ELAPOR2: variants seen among roughly 807,000 people sequenced by gnomAD.
The protein encoded by ELAPOR2 is endosome-lysosome associated apoptosis and autophagy regulator family member 2.
Under a neutral mutation model 120.7 loss-of-function variants are expected in ELAPOR2, and 89 were observed. That is an observed-to-expected ratio of 0.74 (90% CI 0.62 to 0.88). ELAPOR2 has a LOEUF of 0.88. Ranked by LOEUF, ELAPOR2 falls within the 40% of genes least tolerant of loss-of-function variation. The pLI is 0.00. For missense variants in ELAPOR2, 1,134 were observed against 1,251.6 expected, an observed-to-expected ratio of 0.91 and a Z score of 1.42; for synonymous variants, 444 against 444.9, an observed-to-expected ratio of 1.00 and a Z score of 0.03.
chr7:87,053,745 T>C (rs1415353916), intron 1 of ELAPOR2, among the ~76,000 whole-genome samples: 3 of 152,184 alleles, frequency 2.0e-5, no homozygotes, highest in Non-Finnish European at 4.4e-5. Context: ...GGATAGGATA[T>C]AGGGATGGAT....
intron 18 of ELAPOR2, among the ~76,000 whole-genome samples, chr7:86,901,517 A>G (rs1182079514): frequency 6.6e-6 from 1 of 152,238 alleles, no homozygotes; most frequent in Admixed American, 6.5e-5. Flanking sequence ...CCTATTATTA[A>G]CTTTTTGCAC....
intron 1 of ELAPOR2, among the ~76,000 whole-genome samples, chr7:87,032,712 T>C (rs1051396066): frequency 2.0e-5 from 3 of 152,168 alleles, no homozygotes; most frequent in Non-Finnish European, 1.5e-5. Flanking sequence ...TAAAACATTC[T>C]CCTAATCGAG....
At chr7:86,910,998 G>A (rs1402156860) in intron 15 of ELAPOR2, among the ~76,000 whole-genome samples, 1 of 151,714 alleles carries the variant, frequency 6.6e-6, no homozygotes, top group Non-Finnish European at 1.5e-5. Flanking sequence ...AAAGGTACTG[G>A]GGAAAGAAAA....
At chr7:86,907,598 T>C in intron 18 of ELAPOR2, 72 bp downstream of exon 18, 1 of 967,556 alleles carries the variant, frequency 1.0e-6, no homozygotes, top group Non-Finnish European at 1.5e-6. Context: ...AGAGAATATG[T>C]TTTAAAATAG....
chr7:86,889,941 T>G (rs1456302088), intron 21 of ELAPOR2, among the ~76,000 whole-genome samples: 1 of 151,842 alleles, frequency 6.6e-6, no homozygotes, highest in African/African-American at 2.4e-5. Flanking sequence ...GAGGGTAGGG[T>G]TGAGGTTAAC....
At chr7:87,029,149 C>T (rs2116726696) in intron 1 of ELAPOR2, among the ~76,000 whole-genome samples, 1 of 152,240 alleles carries the variant, frequency 6.6e-6, no homozygotes, top group East Asian at 1.9e-4. Context: ...TCTCTTTTTA[C>T]CATTTCATAA....
At chr7:87,001,744 C>T (rs1480361040) in intron 1 of ELAPOR2, among the ~76,000 whole-genome samples, 1 of 152,082 alleles carries the variant, frequency 6.6e-6, no homozygotes, top group East Asian at 1.9e-4. Flanking sequence ...TCAAGTTCAC[C>T]CAGATGCCTC....
chr7:86,999,508 C>A (rs1793240294), intron 1 of ELAPOR2, among the ~76,000 whole-genome samples: 2 of 152,032 alleles, frequency 1.3e-5, no homozygotes, highest in Non-Finnish European at 2.9e-5. Context: ...ACATAAAATG[C>A]AGAGTAAAGA....
In ELAPOR2 at chr7:87,039,911, G is replaced by A. The variant is rs570386404; in HGVS notation, c.189+19414C>T. 4.3e-3 allele frequency among the ~76,000 whole-genome samples: 654 copies of A among 152,032 alleles called. 8 individuals are homozygous for A. The highest frequency in any genetic ancestry group is 0.015 in the African/African-American group (621 of 41,458). ...ACAGAGGGCGCAGGTCAGTGGGTGCGCGCACCGTGCACGAGCCAAAGCAGG... is the reference window on the plus strand; with the variant it reads ...ACAGAGGGCGCAGGTCAGTGGGTGCACGCACCGTGCACGAGCCAAAGCAGG... On this transcript the variant is annotated intron_variant, in intron 1 of 21. Coordinates refer to ENST00000450689, the MANE Select transcript of ELAPOR2 (RefSeq NM_001142749.3).
At chr7:87,034,332 CT>C (rs1794514287) in intron 1 of ELAPOR2, among the ~76,000 whole-genome samples, 1 of 151,802 alleles carries the variant, frequency 6.6e-6, no homozygotes, top group Non-Finnish European at 1.5e-5. Flanking sequence ...AAAATTTTAC[CT>C]GGCTATTGTT....
intron 1 of ELAPOR2, among the ~76,000 whole-genome samples, chr7:87,002,192 A>G (rs1793339108): frequency 6.6e-6 from 1 of 152,180 alleles, no homozygotes; most frequent in Non-Finnish European, 1.5e-5. Context: ...ATTATAGCCC[A>G]GTCCAGTTTA....
intron 1 of ELAPOR2, among the ~76,000 whole-genome samples, chr7:87,043,732 T>A (rs1238615266): frequency 6.6e-6 from 1 of 151,266 alleles, no homozygotes; most frequent in African/African-American, 2.4e-5. Context: ...CCACTCCTAT[T>A]CAACATAGTG....
intron 1 of ELAPOR2, among the ~76,000 whole-genome samples, chr7:86,982,568 C>G (rs1792545216): frequency 6.6e-6 from 1 of 152,234 alleles, no homozygotes; most frequent in African/African-American, 2.4e-5. Context: ...ATACAGCAAA[C>G]TCCAACAGAC....
At chr7:86,981,955 C>G (rs1792511170) in intron 1 of ELAPOR2, among the ~76,000 whole-genome samples, 2 of 152,216 alleles carry the variant, frequency 1.3e-5, no homozygotes, top group African/African-American at 2.4e-5. Context: ...CACTCCTGCC[C>G]ACATACTGCG....
intron 1 of ELAPOR2, among the ~76,000 whole-genome samples, chr7:87,017,657 G>A (rs929359293): frequency 2.0e-4 from 30 of 152,128 alleles, no homozygotes; most frequent in Middle Eastern, 6.8e-3. Context: ...GTGGTGGCTC[G>A]TGCCTGTAAT....
Position 86,938,913 on chromosome 7 carries a change from T to C in ELAPOR2, c.895A>G (p.Ser299Gly). The C allele has an allele frequency of 1.2e-6, 2 of 1,613,364 alleles. No homozygotes were observed. Among genetic ancestry groups the C allele is most frequent in the Non-Finnish European group, 1.7e-6 (2 of 1,179,504 alleles). The change falls in exon 7 of 22, where the codon AGC becomes GGC. Residue 299 changes from serine to glycine, a missense_variant. Around this residue, in one of 3 missense-constraint regions of ELAPOR2, gnomAD observed 23 missense variants for 52.4 expected, o/e 0.44. Coordinates refer to ENST00000450689, the MANE Select transcript of ELAPOR2 (RefSeq NM_001142749.3). ...ECFPCKPGTF[S>G]NKPGSFNCQV... ...CAGTTGAATGAACCTGGTTTGTTGC[T>C]GAATGTGCCTGGCTTGCAAGGAAAA... is the stretch of plus-strand genomic sequence containing the variant.
At chr7:86,969,268 A>G (rs1293031795) in intron 1 of ELAPOR2, among the ~76,000 whole-genome samples, 1 of 152,166 alleles carries the variant, frequency 6.6e-6, no homozygotes, top group African/African-American at 2.4e-5. Context: ...AGTCATCCAC[A>G]CTACAAAAGC....
chr7:87,023,312 T>G (rs1488533458), intron 1 of ELAPOR2, among the ~76,000 whole-genome samples: 4 of 152,254 alleles, frequency 2.6e-5, no homozygotes, highest in African/African-American at 9.6e-5. Flanking sequence ...CACCATTTAT[T>G]AAATAGGGAA....
intron 19 of ELAPOR2, among the ~76,000 whole-genome samples, chr7:86,895,310 C>T (rs1788388325): frequency 6.6e-6 from 1 of 152,034 alleles, no homozygotes; most frequent in South Asian, 2.1e-4. Flanking sequence ...TGGCTATTCC[C>T]ACTTACTGTA....
Sources: allele counts gnomAD v4.1 joint callset (sites outside exome capture counted in the v4.1 genomes callset), GRCh38; gene constraint gnomAD v4.1.1; regional missense constraint gnomAD v4.1.1; transcripts MANE v1.5; gene names NCBI Gene and HGNC (gene_info 2026-07-23, HGNC 2026-07-21).